Variants in STAG1 observed in about 807,000 individuals in gnomAD.
STAG1 encodes STAG1 cohesin complex component.
Under a neutral mutation model 170.9 loss-of-function variants are expected in STAG1, and 26 were observed. The ratio of observed to expected loss-of-function variants is 0.15; its 90% CI spans 0.11 to 0.21. The LOEUF (loss-of-function observed/expected upper bound fraction) is 0.21, where lower values mean the gene tolerates loss of function less well. STAG1 is among the 10% of genes least tolerant of loss of function. The probability of loss-of-function intolerance (pLI) is 1.00; values close to 1 mark genes in which losing one functional copy is unlikely to be tolerated. For synonymous variants in STAG1, 514 were observed against 497.7 expected (o/e 1.03, Z -0.44); for missense variants, 964 against 1,509.5 (o/e 0.64, Z 5.99).
intron 1 of STAG1, among the ~76,000 whole-genome samples, chr3:136,747,901 C>T (rs1425996214): frequency 1.3e-5 from 2 of 150,882 alleles, no homozygotes; most frequent in African/African-American, 4.9e-5. Context: ...CTCAGCCTCC[C>T]CGGTAGCTAG....
intron 1 of STAG1, among the ~76,000 whole-genome samples, chr3:136,727,218 A>G (rs1368361563): frequency 2.0e-5 from 3 of 152,196 alleles, no homozygotes; most frequent in South Asian, 2.1e-4. Context: ...TGAAAAATGT[A>G]TAACTTGGAC....
chr3:136,640,933 C>T (rs553591355), intron 1 of STAG1, among the ~76,000 whole-genome samples: 2 of 152,346 alleles, frequency 1.3e-5, no homozygotes, highest in Middle Eastern at 3.4e-3. Flanking sequence ...CCTTGGCCTC[C>T]CAAAGTGCTG....
chr3:136,562,089 C>T (rs1347584287), intron 5 of STAG1, among the ~76,000 whole-genome samples: 1 of 152,054 alleles, frequency 6.6e-6, no homozygotes, highest in African/African-American at 2.4e-5. Flanking sequence ...TACAATGTTC[C>T]AAAGCATAAG....
chr3:136,497,068 C>T (rs531530557), intron 9 of STAG1, among the ~76,000 whole-genome samples: 7 of 151,876 alleles, frequency 4.6e-5, no homozygotes, highest in Admixed American at 3.3e-4. Context: ...CAACAGATAA[C>T]CTCAACAGCC....
Position 136,344,006 on chromosome 3 carries a change from T to C in STAG1, c.3272A>G (p.Asp1091Gly). The C allele has an allele frequency of 6.4e-7, 1 of 1,566,486 alleles. No homozygotes were observed. Among genetic ancestry groups the C allele is most frequent in the Non-Finnish European group, 8.6e-7 (1 of 1,158,242 alleles). Residue 1091 changes from aspartate to glycine, a missense_variant and splice_region_variant, in exon 30 of 34, where the codon GAT becomes GGT. This residue lies in a region of STAG1 where 122 missense variants were observed against 129.0 expected (regional missense o/e 0.95). Coordinates refer to ENST00000383202, the MANE Select transcript of STAG1 (RefSeq NM_005862.3). ...TAGCCATGTGTTATCCAGACTCTCA[T>C]CTGTAAAATTCCAGTTAAGGTCACA... ...RPPLHKKRVEDESLDNTWLNR... is the reference protein window; with the variant it reads ...RPPLHKKRVEGESLDNTWLNR...
intron 1 of STAG1, among the ~76,000 whole-genome samples, chr3:136,632,249 T>C (rs1940360774): frequency 6.6e-6 from 1 of 152,112 alleles, no homozygotes; most frequent in African/African-American, 2.4e-5. Context: ...GAAACAACAC[T>C]TGGGTTGACA....
rs1467505895 is a variant in STAG1, at chr3:136,481,916, C to A, written c.903-4504G>T. The stretch of plus-strand genomic sequence containing the variant: ...ATGGTAGTTTGTATTTCTGTGGGAT[C>A]GGTGGTGATATCCCCTTTATCATTT... On this transcript the variant is annotated intron_variant, in intron 9 of 33. Coordinates refer to ENST00000383202, the MANE Select transcript of STAG1 (RefSeq NM_005862.3). Among the ~76,000 whole-genome samples the A allele has an allele frequency of 1.6e-4, 8 of 49,254 alleles. 3 individuals are homozygous for A. The highest frequency in any genetic ancestry group is 3.2e-4 in the African/African-American group (5 of 15,510). The allele number at this position is 49,254 out of a possible 152,430, so 32.3% of individuals were successfully genotyped here.
intron 21 of STAG1, among the ~76,000 whole-genome samples, chr3:136,408,784 T>A (rs1312787016): frequency 6.6e-6 from 1 of 152,166 alleles, no homozygotes; most frequent in Non-Finnish European, 1.5e-5. Flanking sequence ...TTAACCTAGA[T>A]TCATGTCTTT....
chr3:136,438,738 C>T (rs1005567810), intron 15 of STAG1, among the ~76,000 whole-genome samples: 1 of 152,024 alleles, frequency 6.6e-6, no homozygotes, highest in South Asian at 2.1e-4. Context: ...ACACTATACG[C>T]TCAGCACTTA....
At chr3:136,518,078 G>GT (rs1489803091) in intron 7 of STAG1, 3 of 277,178 alleles carry the variant, frequency 1.1e-5, no homozygotes, top group African/African-American at 6.5e-5. Flanking sequence ...AAATGTAAAA[G>GT]TATACAATTA....
At position 136,452,138 on chromosome 3, in the gene STAG1, G is replaced by A; in HGVS notation, c.1323C>T (p.Ser441=). Residue 441 remains serine (S), a synonymous_variant, in exon 14 of 34, where the codon AGC becomes AGT. Coordinates refer to ENST00000383202, the MANE Select transcript of STAG1 (RefSeq NM_005862.3). ...AGEFLHKKLF[S]RHDPQAEEAL... is the part of the protein sequence containing the mutation. ...CTTCTTCTGCTTGTGGGTCATGTCT[G>A]CTAAATAGCCTGGAAATGAAAAACA... 6.2e-7 allele frequency: 1 copy of A among 1,611,100 alleles called. No individual in the cohort carries two copies.
chr3:136,418,039 C>T, intron 20 of STAG1, 67 bp from the exon 21 acceptor site: 1 of 1,191,556 alleles, frequency 8.4e-7, no homozygotes, highest in Non-Finnish European at 1.2e-6. Flanking sequence ...GAGCTCAGTT[C>T]AGGTGAGTGG....
chr3:136,640,150 T>C (rs1475002315), intron 1 of STAG1, among the ~76,000 whole-genome samples: 1 of 152,196 alleles, frequency 6.6e-6, no homozygotes, highest in Non-Finnish European at 1.5e-5. Context: ...TATGGCTAAA[T>C]GAACGTTTTA....
chr3:136,425,745 T>C lies in STAG1; in HGVS notation c.1651-2701A>G, dbSNP rs181683239. 4.0e-4 allele frequency among the ~76,000 whole-genome samples: 60 copies of C among 149,584 alleles called. 1 individual carries two copies. Among genetic ancestry groups the C allele is most frequent in the Non-Finnish European group, 4.9e-4 (33 of 67,532 alleles). ...GTATATATATAAACATATATACATA[T>C]ACATATATATCTATAAAAGAAGAAG... On this transcript the variant is annotated intron_variant, in intron 16 of 33. Transcript: ENST00000383202.
chr3:136,541,131 T>C (rs1168978208), intron 6 of STAG1, among the ~76,000 whole-genome samples: 1 of 152,138 alleles, frequency 6.6e-6, no homozygotes, highest in Non-Finnish European at 1.5e-5. Context: ...TCTTAACATA[T>C]GTGTTTGTAT....
intron 28 of STAG1, among the ~76,000 whole-genome samples, chr3:136,352,343 TAG>T (rs1450917434): frequency 3.3e-5 from 5 of 152,154 alleles, no homozygotes; most frequent in African/African-American, 1.2e-4. Flanking sequence ...TGTATTTGTG[TAG>T]AGACAGGGTT....
At position 136,542,738 on chromosome 3, in the gene STAG1, A is replaced by G. The variant is rs1222675946; in HGVS notation, c.395-543T>C. 2.6e-5 allele frequency among the ~76,000 whole-genome samples: 4 copies of G among 152,016 alleles called. No homozygotes were observed. In the East Asian group the frequency reaches 7.7e-4, roughly 29 times the overall value. On this transcript the variant is annotated intron_variant, in intron 5 of 33. Coordinates refer to ENST00000383202, the MANE Select transcript of STAG1 (RefSeq NM_005862.3). ...ATCAGATGAAATAAATAAAAAGGTG[A>G]TATTAATGACGATGGTGGTGGCAGC...
intron 1 of STAG1, among the ~76,000 whole-genome samples, chr3:136,682,171 G>A (rs954511364): frequency 6.6e-6 from 1 of 152,024 alleles, no homozygotes; most frequent in Non-Finnish European, 1.5e-5. Flanking sequence ...GAAAACTCAT[G>A]CCTGTAATAC....
At chr3:136,736,994 G>T in intron 1 of STAG1, 1 of 1,592,544 alleles carries the variant, frequency 6.3e-7, no homozygotes, top group South Asian at 1.1e-5. Context: ...TTTTTGTCAG[G>T]ATGCACCAAG....
Sources: gnomAD v4.1 joint callset for allele counts (sites outside exome capture counted in the v4.1 genomes callset) on GRCh38, gnomAD v4.1.1 for gene constraint, gnomAD v4.1.1 regional missense constraint, MANE v1.5 for transcripts, NCBI Gene and HGNC (gene_info 2026-07-23, HGNC 2026-07-21) for gene names.